Variants in KALRN observed in about 807,000 individuals in gnomAD.
KALRN encodes kalirin.
A neutral mutation model predicts 353.7 loss-of-function variants in KALRN; 70 were observed. The observed-to-expected ratio is 0.20, with a 90% CI of 0.16 to 0.24. KALRN has a LOEUF of 0.24. Among genes scored for constraint, KALRN ranks in the 10% least tolerant of loss-of-function variants. The pLI is 1.00. For missense variants in KALRN, 2,791 were observed against 3,756.7 expected, an observed-to-expected ratio of 0.74 and a Z score of 6.72; for synonymous variants, 1,391 against 1,434.8, an observed-to-expected ratio of 0.97 and a Z score of 0.69.
At chr3:124,677,188 A>T (rs2087288741) in intron 49 of KALRN, among the ~76,000 whole-genome samples, 1 of 152,092 alleles carries the variant, frequency 6.6e-6, no homozygotes, top group Non-Finnish European at 1.5e-5. Context: ...TGACAAGGAG[A>T]TACTGAGGGG....
intron 1 of KALRN, among the ~76,000 whole-genome samples, chr3:124,144,623 C>T (rs1448812151): frequency 4.6e-5 from 7 of 151,080 alleles, no homozygotes. Flanking sequence ...CCTCATCCTC[C>T]TCCTCTTCCT....
At chr3:124,306,051 C>G (rs2077667424) in intron 6 of KALRN, among the ~76,000 whole-genome samples, 1 of 152,012 alleles carries the variant, frequency 6.6e-6, no homozygotes, top group African/African-American at 2.4e-5. Context: ...CCATCAAACA[C>G]AGAATATCAG....
At chr3:124,487,464 A>T (rs890858758) in intron 28 of KALRN, among the ~76,000 whole-genome samples, 1 of 152,222 alleles carries the variant, frequency 6.6e-6, no homozygotes, top group South Asian at 2.1e-4. Context: ...TGGTGGATAA[A>T]GTGCCAGACT....
At position 124,678,274 on chromosome 3, in the gene KALRN, T is replaced by C; in HGVS notation, c.7278T>C (p.Arg2426=). ...GTAAAAATGAAGCCACAGGGCCTCG[T>C]AAACCCAAGGATATTCTGGGCAACA... ...NTGKNEATGP[R]KPKDILGNKV... Residue 2426 remains arginine (R), a synonymous_variant, in exon 50 of 60, where the codon CGT becomes CGC. Transcript: ENST00000682506. 2.5e-6 allele frequency: 4 copies of C among 1,614,062 alleles called. No homozygotes were observed. Among genetic ancestry groups the C allele is most frequent in the Non-Finnish European group, 3.4e-6 (4 of 1,179,932 alleles).
chr3:124,033,837 G>T lies in KALRN; in HGVS notation c.73+24G>T, dbSNP rs1321032580. ...AGGTAAGCCGGGCAGGGCGCGGGGG[G>T]CCAGGGCTGAAGGCTACTGCCTCGG... On this transcript the variant is annotated intron_variant, in intron 1 of 59. Coordinates refer to ENST00000682506, the MANE Select transcript of KALRN (RefSeq NM_001388419.1). This position sits in a 1 kb window ranked among gnomAD's most constrained non-coding sequence, Gnocchi z 6.2. Among the ~76,000 whole-genome samples, 2 of 152,166 alleles carry T rather than the reference G, an allele frequency of 1.3e-5. No individual in the cohort carries two copies. Among genetic ancestry groups the T allele is most frequent in the African/African-American group, 4.8e-5 (2 of 41,452 alleles).
chr3:124,679,498 A>G lies in KALRN; in HGVS notation c.7358A>G (p.Asp2453Gly). 6.2e-7 allele frequency: 1 copy of G among 1,614,044 alleles called. No individual in the cohort carries two copies. Among genetic ancestry groups the G allele is most frequent in the Non-Finnish European group, 8.5e-7 (1 of 1,179,898 alleles). ...GAGGAATCAGAGTGTGATGATCTTG[A>G]CCCTAATACTAGCATGGAGGTAGAA... is the stretch of plus-strand genomic sequence containing the variant. Reference protein sequence around the residue: ...SSEESECDDLDPNTSMEILNP... With the variant: ...SSEESECDDLGPNTSMEILNP... Residue 2453 changes from aspartate to glycine, a missense_variant, in exon 51 of 60, where the codon GAC becomes GGC. By Grantham distance (94) the Asp-to-Gly change is moderately conservative (BLOSUM62 -1). This residue lies in a region of KALRN where 1,065 missense variants were observed against 1,156.4 expected (regional missense o/e 0.92). Coordinates refer to ENST00000682506, the MANE Select transcript of KALRN (RefSeq NM_001388419.1).
intron 34 of KALRN, among the ~76,000 whole-genome samples, chr3:124,631,662 A>G (rs901519695): frequency 3.9e-5 from 6 of 152,108 alleles, no homozygotes; most frequent in Non-Finnish European, 7.4e-5. Context: ...TGGCCTCCCA[A>G]CCAGTTTCCC....
chr3:124,179,320 A>G (rs531844044), intron 1 of KALRN, among the ~76,000 whole-genome samples: 39 of 152,296 alleles, frequency 2.6e-4, no homozygotes, highest in Non-Finnish European at 4.9e-4. Flanking sequence ...ATACACAAAC[A>G]TATTAGCCTA....
chr3:124,152,551 TCTTTTC>T (rs1344542910), intron 1 of KALRN: 14 of 227,266 alleles, frequency 6.2e-5, no homozygotes, highest in African/African-American at 4.3e-4. Flanking sequence ...TTTTTCTTTT[TCTTTTC>T]TTTTCTTTTC....
chr3:124,080,786 G>A (rs1202980668), intron 1 of KALRN, among the ~76,000 whole-genome samples: 2 of 152,192 alleles, frequency 1.3e-5, no homozygotes, highest in African/African-American at 2.4e-5. Flanking sequence ...CCTAGTGTTC[G>A]AATCTGCCCA....
At chr3:124,351,045 G>C (rs1346113186) in intron 10 of KALRN, among the ~76,000 whole-genome samples, 1 of 152,158 alleles carries the variant, frequency 6.6e-6, no homozygotes, top group Non-Finnish European at 1.5e-5. Context: ...CAGGTTGACT[G>C]TCAGTAGCAG....
At chr3:124,258,812 A>T (rs1026875073) in intron 3 of KALRN, among the ~76,000 whole-genome samples, 1 of 152,226 alleles carries the variant, frequency 6.6e-6, no homozygotes, top group East Asian at 1.9e-4. Context: ...CTGGTTTCAC[A>T]TTGGCAGATT....
chr3:124,633,144 A>G (rs1194435412), intron 35 of KALRN, among the ~76,000 whole-genome samples: 1 of 152,212 alleles, frequency 6.6e-6, no homozygotes, highest in Non-Finnish European at 1.5e-5. Flanking sequence ...ATCCAGAGTT[A>G]CTCCAGATAA....
intron 13 of KALRN, among the ~76,000 whole-genome samples, chr3:124,401,949 C>T (rs151273455): frequency 2.6e-5 from 4 of 152,220 alleles, no homozygotes; most frequent in East Asian, 3.9e-4. Context: ...GTTTCTGTAA[C>T]GAGAGGCGTG....
At chr3:124,332,210 A>T (rs535880995) in intron 8 of KALRN, among the ~76,000 whole-genome samples, 1 of 151,644 alleles carries the variant, frequency 6.6e-6, no homozygotes, top group South Asian at 2.1e-4. Context: ...CCTCCTAACC[A>T]CCCTGCCCTG....
rs533267705 is a variant in KALRN, at chr3:124,319,723, T to C, written c.1093-6257T>C. 3.5e-4 allele frequency among the ~76,000 whole-genome samples: 53 copies of C among 152,196 alleles called. No individual in the cohort carries two copies. In the South Asian group the frequency reaches 6.9e-3, roughly 20 times the overall value. ...AAATAAGTATTCAGGCCAGGCGCAG[T>C]GGCTCACACCTGTAATCCCAGCACT... is the stretch of plus-strand genomic sequence containing the variant. On this transcript the variant is annotated intron_variant, in intron 6 of 59. Coordinates refer to ENST00000682506, the MANE Select transcript of KALRN (RefSeq NM_001388419.1).
At chr3:124,676,735 G>A (rs1236482469) in intron 49 of KALRN, among the ~76,000 whole-genome samples, 1 of 152,208 alleles carries the variant, frequency 6.6e-6, no homozygotes, top group East Asian at 1.9e-4. Flanking sequence ...CCTGACTCAA[G>A]TTGTTCTCAG....
chr3:124,252,203 T>C (rs1325796279), intron 3 of KALRN, among the ~76,000 whole-genome samples: 1 of 152,176 alleles, frequency 6.6e-6, no homozygotes, highest in Non-Finnish European at 1.5e-5. Context: ...GGGGGAACTT[T>C]TAAAAATGAT....
At chr3:124,544,153 C>T (rs1009381370) in intron 33 of KALRN, among the ~76,000 whole-genome samples, 2 of 152,226 alleles carry the variant, frequency 1.3e-5, no homozygotes, top group African/African-American at 4.8e-5. Flanking sequence ...GGAAACAATT[C>T]AGTAGCTGTG....
Sources: gnomAD v4.1 joint callset for allele counts (sites outside exome capture counted in the v4.1 genomes callset) on GRCh38, gnomAD v4.1.1 for gene constraint, gnomAD v4.1.1 regional missense constraint, Gnocchi (gnomAD v3.1) non-coding constraint, MANE v1.5 for transcripts, NCBI Gene and HGNC (gene_info 2026-07-23, HGNC 2026-07-21) for gene names.